RGPD4: variants seen among roughly 807,000 people sequenced by gnomAD.
The protein encoded by RGPD4 is ranBP2-like and GRIP domain-containing protein 4.
In RGPD4, 84 loss-of-function variants were observed where a neutral mutation model predicts 141.1. The ratio of observed to expected loss-of-function variants is 0.60; its 90% CI spans 0.50 to 0.71. The LOEUF is 0.71. RGPD4 is among the 30% of genes least tolerant of loss of function. The pLI, the probability that RGPD4 is intolerant of heterozygous loss-of-function variation, is 0.00. For synonymous variants in RGPD4, 298 were observed against 566.8 expected, an observed-to-expected ratio of 0.53 and a Z score of 6.74; for missense variants, 918 against 1,622.4, an observed-to-expected ratio of 0.57 and a Z score of 7.46.
chr2:107,852,682 TA>T (rs1682158772), intron 7 of RGPD4, among the ~76,000 whole-genome samples: 1 of 74,174 alleles, frequency 1.3e-5, no homozygotes, highest in Admixed American at 1.2e-4. Flanking sequence ...CCAAAGAAAC[TA>T]ATGTTATTGC....
intron 22 of RGPD4, chr2:107,883,088 A>C (rs2104518171): frequency 1.5e-6 from 1 of 679,354 alleles, no homozygotes; most frequent in African/African-American, 1.8e-5. Flanking sequence ...AGCAAAATAC[A>C]ATAAGTGCTT....
Position 107,880,580 on chromosome 2 carries a change from C to T in RGPD4, c.5064+473C>T, listed in dbSNP as rs1036751754. ...ATCCAGCCAAAATACTTCTTTTACA[C>T]CTATTACATAAAGATTATTTCTTAA... On this transcript the variant is annotated intron_variant, in intron 21 of 22. Transcript: ENST00000408999. Among the ~76,000 whole-genome samples the T allele has an allele frequency of 7.3e-5, 11 of 151,612 alleles. No homozygotes were observed. The South Asian group carries it at 1.9e-3, about 26-fold the overall frequency.
At chr2:107,880,449 A>G (rs1382412440) in intron 21 of RGPD4, among the ~76,000 whole-genome samples, 7 of 151,140 alleles carry the variant, frequency 4.6e-5, no homozygotes, top group African/African-American at 1.2e-4. Flanking sequence ...TATTTTTAGT[A>G]GAGACAGGTT....
intron 22 of RGPD4, among the ~76,000 whole-genome samples, chr2:107,887,345 A>C (rs1675544653): frequency 6.6e-6 from 1 of 152,220 alleles, no homozygotes; most frequent in Non-Finnish European, 1.5e-5. Flanking sequence ...AAGGATAAGC[A>C]ATTATTTCTT....
chr2:107,887,333 G>C (rs1675544488), intron 22 of RGPD4, among the ~76,000 whole-genome samples: 1 of 152,204 alleles, frequency 6.6e-6, no homozygotes, highest in African/African-American at 2.4e-5. Context: ...GTTGAATCTA[G>C]TAAGGATAAG....
intron 1 of RGPD4, among the ~76,000 whole-genome samples, chr2:107,829,907 C>G (rs920157012): frequency 2.0e-5 from 3 of 151,870 alleles, no homozygotes; most frequent in Non-Finnish European, 4.4e-5. Flanking sequence ...TATGCTGCGG[C>G]GGAGGTCGTA....
intron 1 of RGPD4, among the ~76,000 whole-genome samples, chr2:107,827,664 T>C (rs1279387004): frequency 2.0e-5 from 1 of 49,438 alleles, no homozygotes; most frequent in African/African-American, 9.7e-5. Context: ...TGGCACGCTC[T>C]GTTGAGGCGG....
intron 8 of RGPD4, among the ~76,000 whole-genome samples, chr2:107,855,850 G>C (rs922868765): frequency 1.3e-5 from 1 of 78,664 alleles, no homozygotes; most frequent in African/African-American, 6.0e-5. Context: ...TGTCTCTGTA[G>C]GTTTGCCTCT....
intron 9 of RGPD4, among the ~76,000 whole-genome samples, chr2:107,858,069 A>G (rs573334070): frequency 1.3e-5 from 2 of 151,976 alleles, no homozygotes; most frequent in South Asian, 2.1e-4. Context: ...TGTATGATTT[A>G]TCTTGCTTCC....
chr2:107,886,730 T>C (rs2439163), intron 22 of RGPD4, among the ~76,000 whole-genome samples: 6,122 of 151,992 alleles, frequency 0.04, 440 homozygotes, highest in African/African-American at 0.14. Flanking sequence ...TGAGGGATGC[T>C]AGAAGAAAGG....
At position 107,877,074 on chromosome 2, in the gene RGPD4, G is replaced by C. The variant is rs1683111040; in HGVS notation, c.4925-2894G>C. 7.2e-5 allele frequency among the ~76,000 whole-genome samples: 11 copies of C among 151,898 alleles called. No homozygotes were observed. In the South Asian group the frequency reaches 2.3e-3, roughly 32 times the overall value. On this transcript the variant is annotated intron_variant, in intron 20 of 22. Coordinates refer to ENST00000408999, the MANE Select transcript of RGPD4 (RefSeq NM_182588.3). ...TAAACCAATACATGTCAAAGGGCCT[G>C]GTAAACTTTACAGTTTAGACCAGGT...
intron 20 of RGPD4, among the ~76,000 whole-genome samples, chr2:107,874,760 T>G (rs1374230865): frequency 1.3e-5 from 2 of 150,936 alleles, no homozygotes; most frequent in Non-Finnish European, 2.9e-5. Flanking sequence ...AATGAAGACT[T>G]TAGACATGAG....
chr2:107,855,019 C>T (rs940043242), intron 8 of RGPD4, among the ~76,000 whole-genome samples: 1 of 119,376 alleles, frequency 8.4e-6, no homozygotes, highest in African/African-American at 3.2e-5. Flanking sequence ...AGATACGCAT[C>T]TGTCTTAAAG....
intron 9 of RGPD4, among the ~76,000 whole-genome samples, chr2:107,858,046 A>C (rs1259325096): frequency 6.6e-6 from 1 of 151,966 alleles, no homozygotes; most frequent in Non-Finnish European, 1.5e-5. Context: ...CATATTTTTC[A>C]TCTAAATGGT....
At chr2:107,829,889 T>A (rs1262358581) in intron 1 of RGPD4, among the ~76,000 whole-genome samples, 1 of 151,908 alleles carries the variant, frequency 6.6e-6, no homozygotes, top group Non-Finnish European at 1.5e-5. Context: ...TCCTGGACAT[T>A]TACTTTATAT....
intron 22 of RGPD4, among the ~76,000 whole-genome samples, chr2:107,889,162 G>A (rs1277102690): frequency 1.1e-4 from 16 of 148,870 alleles, no homozygotes; most frequent in African/African-American, 2.8e-4. Context: ...GAAGGGTAAT[G>A]CCAAATTAAA....
intron 8 of RGPD4, among the ~76,000 whole-genome samples, chr2:107,855,465 A>T (rs1407448766): frequency 6.6e-6 from 1 of 151,642 alleles, no homozygotes; most frequent in Admixed American, 6.6e-5. Flanking sequence ...GGGCTCTCAT[A>T]AGTGCCTTTG....
chr2:107,881,193 A>G (rs984460639), intron 21 of RGPD4, among the ~76,000 whole-genome samples: 1 of 150,294 alleles, frequency 6.7e-6, no homozygotes, highest in African/African-American at 2.5e-5. Flanking sequence ...ATATATCATG[A>G]CATTCCACCA....
chr2:107,829,500 C>A (rs1177753186), intron 1 of RGPD4, among the ~76,000 whole-genome samples: 1 of 116,318 alleles, frequency 8.6e-6, no homozygotes, highest in African/African-American at 3.5e-5. Context: ...TGGCTACCGA[C>A]GGGCGCTGCT....
Sources: gnomAD v4.1 joint callset for allele counts (sites outside exome capture counted in the v4.1 genomes callset) on GRCh38, gnomAD v4.1.1 for gene constraint, MANE v1.5 for transcripts, NCBI Gene and HGNC (gene_info 2026-07-23, HGNC 2026-07-21) for gene names.